The following DRG1 variants were observed in gnomAD, a reference collection of about 807,000 sequenced individuals.
DRG1 encodes the protein developmentally regulated GTP binding protein 1, also known as developmentally-regulated GTP-binding protein 1.
Under a neutral mutation model 38.8 loss-of-function variants are expected in DRG1, and 19 were observed. The observed-to-expected ratio is 0.49, with a 90% CI of 0.34 to 0.72. The LOEUF (loss-of-function observed/expected upper bound fraction) is 0.72, where lower values mean the gene tolerates loss of function less well. Among genes scored for constraint, DRG1 ranks in the 30% least tolerant of loss-of-function variants. The probability of loss-of-function intolerance (pLI) is 0.01; values close to 1 mark genes in which losing one functional copy is unlikely to be tolerated. For synonymous variants in DRG1, 167 were observed against 157.5 expected (o/e 1.06, Z -0.45); for missense variants, 299 against 444.8 (o/e 0.67, Z 2.95).
At chr22:31,430,059 CTTACT>C (rs1327062590) in intron 8 of DRG1, among the ~76,000 whole-genome samples, 1 of 152,124 alleles carries the variant, frequency 6.6e-6, no homozygotes, top group Non-Finnish European at 1.5e-5. Flanking sequence ...CCACCCTTTC[CTTACT>C]TTTTGATAGT....
intron 3 of DRG1, among the ~76,000 whole-genome samples, chr22:31,405,838 AC>A (rs2049987115): frequency 6.6e-6 from 1 of 151,520 alleles, no homozygotes; most frequent in Non-Finnish European, 1.5e-5. Flanking sequence ...ACAGGTGCCC[AC>A]CACTATGCCC....
At chr22:31,404,403 G>A (rs1438874139) in intron 3 of DRG1, among the ~76,000 whole-genome samples, 2 of 151,452 alleles carry the variant, frequency 1.3e-5, no homozygotes. Flanking sequence ...CCCATGGCTG[G>A]CTAATTTTTG....
chr22:31,399,627 GT>G lies in DRG1; in HGVS notation c.-54del. 6.2e-7 allele frequency: 1 copy of G among 1,613,444 alleles called. No homozygotes were observed. The highest frequency in any genetic ancestry group is 1.1e-5 in the South Asian group (1 of 91,072). On this transcript the variant is annotated 5_prime_UTR_variant, in exon 1 of 9. Coordinates refer to ENST00000331457, the MANE Select transcript of DRG1 (RefSeq NM_004147.4). ...GCAGTAGCGCCTGGTGGCGGTGGCA[GT>G]TTGCCCGCGGGTGTGTGAAGGGAGA...
intron 3 of DRG1, 132 bp downstream of exon 3, chr22:31,403,336 G>GAGC (rs2049972938): frequency 1.0e-6 from 1 of 973,104 alleles, no homozygotes; most frequent in Non-Finnish European, 1.5e-6. Flanking sequence ...AGGGGAAATA[G>GAGC]AGCAGTACGA....
intron 4 of DRG1, 42 bp from the exon 5 acceptor site, chr22:31,420,213 CT>C: frequency 6.3e-7 from 1 of 1,597,964 alleles, no homozygotes; most frequent in Non-Finnish European, 8.5e-7. Context: ...TTAGTTAAGG[CT>C]TTATTGAACT....
Position 31,420,456 on chromosome 22 carries a change from G to A in DRG1, c.582+31G>A, listed in dbSNP as rs536347629. 1.7e-4 allele frequency: 274 copies of A among 1,612,770 alleles called. No individual in the cohort carries two copies. In the South Asian group the frequency reaches 2.9e-3, roughly 17 times the overall value. ...TGGGGAATATGACATGGGGCAGGCTGCTGCAGGAATTGGAATGGGGAGTGG... is the reference window on the plus strand; with the variant it reads ...TGGGGAATATGACATGGGGCAGGCTACTGCAGGAATTGGAATGGGGAGTGG... On this transcript the variant is annotated intron_variant, in intron 5 of 8. Transcript: ENST00000331457.
intron 3 of DRG1, among the ~76,000 whole-genome samples, chr22:31,409,048 T>G (rs12158561): frequency 6.6e-6 from 1 of 152,096 alleles, no homozygotes; most frequent in African/African-American, 2.4e-5. Context: ...TCCTGGGCAG[T>G]TGAGCAGTCA....
At chr22:31,425,448 T>TC (rs1450504845) in intron 6 of DRG1, among the ~76,000 whole-genome samples, 1 of 151,700 alleles carries the variant, frequency 6.6e-6, no homozygotes, top group Non-Finnish European at 1.5e-5. Context: ...TACTTTTTTT[T>TC]TTTTTTTTTG....
chr22:31,412,094 A>G (rs5749267), intron 4 of DRG1, among the ~76,000 whole-genome samples: 34,222 of 151,200 alleles, frequency 0.23, 4,967 homozygotes, highest in East Asian at 0.46. Flanking sequence ...GATCGAGACA[A>G]TCCTGGCTAA....
chr22:31,412,584 C>G (rs937213839), intron 4 of DRG1, among the ~76,000 whole-genome samples: 8 of 151,882 alleles, frequency 5.3e-5, no homozygotes, highest in African/African-American at 1.9e-4. Flanking sequence ...CTCCTGACCT[C>G]GTGATCCGCC....
intron 4 of DRG1, among the ~76,000 whole-genome samples, chr22:31,414,086 T>G (rs1280237268): frequency 2.0e-5 from 3 of 152,178 alleles, no homozygotes; most frequent in African/African-American, 7.2e-5. Flanking sequence ...CTCCTTTGCT[T>G]GATCTGCCCC....
chr22:31,419,543 CTA>C (rs898863906), intron 4 of DRG1, among the ~76,000 whole-genome samples: 6 of 151,756 alleles, frequency 4.0e-5, no homozygotes, highest in Admixed American at 3.9e-4. Context: ...AACGTGCAAA[CTA>C]TGGTGGCAGA....
intron 3 of DRG1, among the ~76,000 whole-genome samples, chr22:31,403,950 C>T (rs1393443944): frequency 1.4e-5 from 2 of 147,898 alleles, no homozygotes; most frequent in African/African-American, 5.0e-5. Flanking sequence ...TGTTGAGAGT[C>T]ACAGCTTTGG....
chr22:31,431,033 C>T (rs1326363526), intron 8 of DRG1, among the ~76,000 whole-genome samples: 2 of 55,878 alleles, frequency 3.6e-5, no homozygotes, highest in Non-Finnish European at 7.5e-5. Context: ...CCCCCCCCCC[C>T]GCTTTTTTTT....
chr22:31,420,915 G>T (rs144532305), intron 5 of DRG1, among the ~76,000 whole-genome samples: 20 of 152,232 alleles, frequency 1.3e-4, no homozygotes, highest in Middle Eastern at 3.4e-3. Flanking sequence ...AGGGAAAGGA[G>T]ATAAGAGTGT....
chr22:31,430,399 T>G lies in DRG1; in HGVS notation c.1004+3217T>G, dbSNP rs968211629. On this transcript the variant is annotated intron_variant, in intron 8 of 8. Transcript: ENST00000331457. ...AGTTCAATACTACAGGGTTAATTTT[T>G]TTTTTTTTTTCTTTTTTTGAGATGG... Among the ~76,000 whole-genome samples the G allele has an allele frequency of 1.6e-4, 24 of 152,122 alleles. No individual in the cohort carries two copies. In the South Asian group the frequency reaches 4.8e-3, roughly 30 times the overall value.
At chr22:31,402,744 A>G (rs1388456284) in intron 2 of DRG1, among the ~76,000 whole-genome samples, 1 of 152,048 alleles carries the variant, frequency 6.6e-6, no homozygotes, top group African/African-American at 2.4e-5. Flanking sequence ...TCTTGGACTC[A>G]AGAGATCCTC....
At position 31,408,949 on chromosome 22, in the gene DRG1, G is replaced by A. The variant is rs148076791; in HGVS notation, c.343-2063G>A. The stretch of plus-strand genomic sequence containing the variant: ...TAATAGTTTATAATTTTGCTGAGAT[G>A]TAAATTTGAATCACATGTGCTGTGG... On this transcript the variant is annotated intron_variant, in intron 3 of 8. Coordinates refer to ENST00000331457, the MANE Select transcript of DRG1 (RefSeq NM_004147.4). Among the ~76,000 whole-genome samples the A allele has an allele frequency of 5.3e-3, 812 of 152,116 alleles. 11 individuals are homozygous for A. The highest frequency in any genetic ancestry group is 0.019 in the African/African-American group (781 of 41,508).
In DRG1 at chr22:31,434,005, AC is replaced by A; in HGVS notation, c.*35del. 6.3e-7 allele frequency: 1 copy of A among 1,592,858 alleles called. No individual in the cohort carries two copies. Among genetic ancestry groups the A allele is most frequent in the South Asian group, 1.1e-5 (1 of 90,084 alleles). ...CCTTTTCCCATCTGCCGGACGAACC[AC>A]AACAGCGTTCCCCATGATCAAGCAC... On this transcript the variant is annotated 3_prime_UTR_variant, in exon 9 of 9. Transcript: ENST00000331457.
Sources: gnomAD v4.1 joint callset for allele counts (sites outside exome capture counted in the v4.1 genomes callset) on GRCh38, gnomAD v4.1.1 for gene constraint, MANE v1.5 for transcripts, NCBI Gene and HGNC (gene_info 2026-07-23, HGNC 2026-07-21) for gene names.